RGS7BP: variants seen among roughly 807,000 people sequenced by gnomAD.
RGS7BP encodes the protein regulator of G protein signaling 7-binding protein.
Under a neutral mutation model 31.3 loss-of-function variants are expected in RGS7BP, and 9 were observed. The ratio of observed to expected loss-of-function variants is 0.29; its 90% CI spans 0.17 to 0.50. RGS7BP has a LOEUF of 0.50. Ranked by LOEUF, RGS7BP falls within the 20% of genes least tolerant of loss-of-function variation. RGS7BP has a pLI of 0.98. For missense variants in RGS7BP, 274 were observed against 322.0 expected, an observed-to-expected ratio of 0.85 and a Z score of 1.14; for synonymous variants, 115 against 120.1, an observed-to-expected ratio of 0.96 and a Z score of 0.28.
rs1743447953 is a variant in RGS7BP, at chr5:64,609,426, T to C, written c.*174T>C. The C allele has an allele frequency of 7.3e-6, 4 of 550,014 alleles. No homozygotes were observed. Among genetic ancestry groups the C allele is most frequent in the Non-Finnish European group, 1.3e-5 (4 of 305,724 alleles). The allele number at this position is 550,014 out of a possible 1,614,324, so 34.1% of individuals were successfully genotyped here. On this transcript the variant is annotated 3_prime_UTR_variant, in exon 6 of 6. Transcript: ENST00000334025. ...AAATGATTTTACACTTGAAAGCAGCTGCCGTCAAGAAAAAAAAGAACAGAT... is the reference window on the plus strand; with the variant it reads ...AAATGATTTTACACTTGAAAGCAGCCGCCGTCAAGAAAAAAAAGAACAGAT...
chr5:64,522,477 T>C (rs1749130805), intron 2 of RGS7BP, among the ~76,000 whole-genome samples: 1 of 152,204 alleles, frequency 6.6e-6, no homozygotes, highest in Non-Finnish European at 1.5e-5. Flanking sequence ...CCAAACTGGG[T>C]GACTCCCATG....
Position 64,545,729 on chromosome 5 carries a change from T to C in RGS7BP, c.333-30045T>C, listed in dbSNP as rs77703420. ...AAATTAAAGATAACAGGATAACTCA[T>C]TAAATTCCAGCTTGGTCACCTGAGT... On this transcript the variant is annotated intron_variant, in intron 2 of 5. Transcript: ENST00000334025. Among the ~76,000 whole-genome samples the C allele has an allele frequency of 6.5e-3, 988 of 152,312 alleles. 10 individuals carry two copies. Among genetic ancestry groups the C allele is most frequent in the African/African-American group, 0.022 (905 of 41,580 alleles).
chr5:64,522,170 T>C (rs1380579457), intron 2 of RGS7BP, among the ~76,000 whole-genome samples: 2 of 152,128 alleles, frequency 1.3e-5, no homozygotes, highest in African/African-American at 4.8e-5. Context: ...AATTTGGCAA[T>C]GTGTAGTTCC....
intron 2 of RGS7BP, among the ~76,000 whole-genome samples, chr5:64,512,343 A>C (rs1317322819): frequency 1.3e-5 from 2 of 152,226 alleles, no homozygotes; most frequent in Non-Finnish European, 2.9e-5. Flanking sequence ...TGCTAAGGAC[A>C]TGGGTGAATT....
chr5:64,579,543 CAAAAAAAAA>C (rs34003776), intron 3 of RGS7BP, among the ~76,000 whole-genome samples: 1 of 53,310 alleles, frequency 1.9e-5, no homozygotes, highest in Non-Finnish European at 3.1e-5. Context: ...GACTCCATCT[CAAAAAAAAA>C]AAAAAAAAAA....
chr5:64,510,862 C>T (rs753557195), intron 2 of RGS7BP, among the ~76,000 whole-genome samples: 1 of 152,212 alleles, frequency 6.6e-6, no homozygotes, highest in Admixed American at 6.5e-5. Context: ...TTCCTCAAGA[C>T]ACCTGCCTCA....
chr5:64,523,300 G>A (rs2111904176), intron 2 of RGS7BP, among the ~76,000 whole-genome samples: 1 of 152,136 alleles, frequency 6.6e-6, no homozygotes, highest in East Asian at 1.9e-4. Flanking sequence ...TTCATTGTTT[G>A]CTGATTCCCA....
chr5:64,559,252 T>G (rs535150525), intron 2 of RGS7BP, among the ~76,000 whole-genome samples: 3 of 152,274 alleles, frequency 2.0e-5, no homozygotes, highest in Non-Finnish European at 4.4e-5. Context: ...TCTTTTGTAC[T>G]CTTTCCCTTT....
At chr5:64,512,012 C>T (rs185923088) in intron 2 of RGS7BP, among the ~76,000 whole-genome samples, 2 of 152,260 alleles carry the variant, frequency 1.3e-5, no homozygotes, top group Admixed American at 1.3e-4. Flanking sequence ...ATCAGCCACA[C>T]CTGAGAATGA....
At chr5:64,532,759 CT>C (rs1037893840) in intron 2 of RGS7BP, among the ~76,000 whole-genome samples, 25 of 152,078 alleles carry the variant, frequency 1.6e-4, no homozygotes, top group African/African-American at 5.8e-4. Flanking sequence ...TTTGTGGAGT[CT>C]GTTGCCCCCA....
At chr5:64,602,835 T>A (rs77172794) in intron 5 of RGS7BP, among the ~76,000 whole-genome samples, 5,396 of 152,288 alleles carry the variant, frequency 0.035, 309 homozygotes, top group African/African-American at 0.12. Context: ...TAGGCTTTAA[T>A]TGAAAATGGG....
intron 2 of RGS7BP, among the ~76,000 whole-genome samples, chr5:64,559,856 G>A (rs568907435): frequency 6.6e-6 from 1 of 152,082 alleles, no homozygotes; most frequent in South Asian, 2.1e-4. Flanking sequence ...CATACATGTG[G>A]GATTTTAAAA....
intron 2 of RGS7BP, among the ~76,000 whole-genome samples, chr5:64,537,322 G>T (rs1056635293): frequency 6.6e-6 from 1 of 152,206 alleles, no homozygotes; most frequent in African/African-American, 2.4e-5. Flanking sequence ...ACAAATTTGT[G>T]TTGGGCCACA....
At chr5:64,570,652 G>T (rs1436299983) in intron 2 of RGS7BP, among the ~76,000 whole-genome samples, 1 of 152,098 alleles carries the variant, frequency 6.6e-6, no homozygotes, top group African/African-American at 2.4e-5. Flanking sequence ...TCCCCAGTGT[G>T]TTAACTCCTA....
intron 2 of RGS7BP, among the ~76,000 whole-genome samples, chr5:64,567,826 A>G (rs1742206127): frequency 3.9e-5 from 6 of 152,318 alleles, no homozygotes; most frequent in Admixed American, 3.3e-4. Context: ...AATTAACTGC[A>G]TACTGCAATG....
chr5:64,599,572 A>C (rs1561350126), intron 5 of RGS7BP, among the ~76,000 whole-genome samples: 1 of 152,248 alleles, frequency 6.6e-6, no homozygotes, highest in Non-Finnish European at 1.5e-5. Context: ...GGGCCACAGC[A>C]CATCAGATAG....
chr5:64,557,707 G>C (rs1276094236), intron 2 of RGS7BP, among the ~76,000 whole-genome samples: 2 of 152,118 alleles, frequency 1.3e-5, no homozygotes, highest in Admixed American at 6.5e-5. Context: ...GAGGCAGAAA[G>C]CCTCTGAGTT....
chr5:64,586,327 T>A (rs1742750898), intron 3 of RGS7BP, among the ~76,000 whole-genome samples: 1 of 152,096 alleles, frequency 6.6e-6, no homozygotes, highest in Non-Finnish European at 1.5e-5. Context: ...CCTGCCCTTA[T>A]ACCCTGCCCT....
intron 2 of RGS7BP, among the ~76,000 whole-genome samples, chr5:64,564,134 T>C (rs1742115211): frequency 6.6e-6 from 1 of 152,150 alleles, no homozygotes; most frequent in South Asian, 2.1e-4. Context: ...GCAAATGACC[T>C]AGAAAAAACT....
Sources: gnomAD v4.1 joint callset for allele counts (sites outside exome capture counted in the v4.1 genomes callset) on GRCh38, gnomAD v4.1.1 for gene constraint, MANE v1.5 for transcripts, NCBI Gene and HGNC (gene_info 2026-07-23, HGNC 2026-07-21) for gene names.